The following TAF1B variants were observed in gnomAD, a reference collection of about 807,000 sequenced individuals.
The protein encoded by TAF1B is TATA box-binding protein-associated factor RNA polymerase I subunit B.
In TAF1B, 61 loss-of-function variants were observed where a neutral mutation model predicts 83.9. That is an observed-to-expected ratio of 0.73 (90% CI 0.59 to 0.90). TAF1B has a LOEUF of 0.90. Ranked by LOEUF, TAF1B falls within the 40% of genes least tolerant of loss-of-function variation. The pLI is 0.00. For synonymous variants in TAF1B, 221 were observed against 224.6 expected, an observed-to-expected ratio of 0.98 and a Z score of 0.14; for missense variants, 625 against 677.0, an observed-to-expected ratio of 0.92 and a Z score of 0.85.
Position 9,843,502 on chromosome 2 carries a change from G to A in TAF1B, c.-40G>A, listed in dbSNP as rs753812440. 3 of 1,522,846 alleles carry A rather than the reference G, an allele frequency of 2.0e-6. No individual in the cohort carries two copies. Among genetic ancestry groups the A allele is most frequent in the South Asian group, 2.4e-5 (2 of 82,398 alleles). The allele number at this position is 1,522,846 out of a possible 1,614,324, so 94.3% of individuals were successfully genotyped here. A position where few individuals can be genotyped will look rare whatever the true frequency, so the allele number is the denominator to read the frequency against. On this transcript the variant is annotated 5_prime_UTR_variant, in exon 1 of 15. Transcript: ENST00000263663. ...TCCCGGAAGCTGCGCTCGCTACCCGGGTAACGGGTCCCGGCTGTGGAAGCT... is the reference window on the plus strand; with the variant it reads ...TCCCGGAAGCTGCGCTCGCTACCCGAGTAACGGGTCCCGGCTGTGGAAGCT...
intron 5 of TAF1B, among the ~76,000 whole-genome samples, chr2:9,867,770 C>T (rs960403124): frequency 5.9e-5 from 9 of 151,980 alleles, no homozygotes; most frequent in African/African-American, 1.5e-4. Context: ...TGTTACAAAT[C>T]GTATATGCTA....
intron 10 of TAF1B, among the ~76,000 whole-genome samples, chr2:9,911,232 C>A (rs1665524447): frequency 6.6e-6 from 1 of 152,118 alleles, no homozygotes; most frequent in Non-Finnish European, 1.5e-5. Context: ...AAAGTATCTT[C>A]ATAAATCTCT....
intron 7 of TAF1B, among the ~76,000 whole-genome samples, chr2:9,876,906 T>C: frequency 6.6e-6 from 1 of 152,184 alleles, no homozygotes; most frequent in East Asian, 1.9e-4. Context: ...TCAGTGCTAG[T>C]CATTACTGTT....
At chr2:9,908,562 C>G (rs556521684) in intron 9 of TAF1B, among the ~76,000 whole-genome samples, 5 of 152,244 alleles carry the variant, frequency 3.3e-5, no homozygotes, top group African/African-American at 1.2e-4. Flanking sequence ...TCCTATCATT[C>G]ATTTCTCTAA....
At chr2:9,849,311 G>A in intron 2 of TAF1B, 62 bp from the exon 3 acceptor site, 1 of 1,293,698 alleles carries the variant, frequency 7.7e-7, no homozygotes, top group Non-Finnish European at 1.1e-6. Context: ...GAAAATACCT[G>A]GAAAAATGCT....
At chr2:9,890,686 C>T (rs1034836745) in intron 8 of TAF1B, among the ~76,000 whole-genome samples, 10 of 151,946 alleles carry the variant, frequency 6.6e-5, no homozygotes, top group Non-Finnish European at 1.3e-4. Flanking sequence ...ATATGTTTAC[C>T]ATGTGAAATG....
rs1345816991 is a variant in TAF1B, at chr2:9,875,927, A to T, written c.616A>T (p.Ile206Phe). Reference protein sequence around the residue: ...VEYSQRKEKGIVKMTMPQTLA... With the variant: ...VEYSQRKEKGFVKMTMPQTLA... Reference sequence around the variant, plus strand: ...ATACTCACAACGAAAGGAGAAGGGAATCGTGAAGATGACCATGCCACAGAC... The same window carrying T: ...ATACTCACAACGAAAGGAGAAGGGATTCGTGAAGATGACCATGCCACAGAC... The change falls in exon 7 of 15, where the codon ATC becomes TTC. Residue 206 changes from isoleucine (I) to phenylalanine (F), a missense_variant. Coordinates refer to ENST00000263663, the MANE Select transcript of TAF1B (RefSeq NM_005680.3). 1 of 1,613,266 alleles carries T rather than the reference A, an allele frequency of 6.2e-7. No homozygotes were observed. The highest frequency in any genetic ancestry group is 2.2e-5 in the East Asian group (1 of 44,872).
intron 5 of TAF1B, among the ~76,000 whole-genome samples, chr2:9,865,452 A>G (rs971816015): frequency 9.2e-5 from 14 of 152,178 alleles, no homozygotes; most frequent in African/African-American, 3.1e-4. Context: ...GATACAAACA[A>G]ATGGAAGAAC....
intron 12 of TAF1B, 200 bp downstream of exon 12, chr2:9,913,449 C>G (rs1375024974): frequency 2.2e-6 from 1 of 447,532 alleles, no homozygotes; most frequent in Non-Finnish European, 3.9e-6. Context: ...TGGATTTCAC[C>G]AGTGTTTTTA....
At chr2:9,933,002 G>C (rs1236056334) in intron 14 of TAF1B, among the ~76,000 whole-genome samples, 1 of 152,224 alleles carries the variant, frequency 6.6e-6, no homozygotes, top group South Asian at 2.1e-4. Context: ...TAATCTCCTG[G>C]TGTGCCGTTT....
intron 8 of TAF1B, among the ~76,000 whole-genome samples, chr2:9,890,779 T>C (rs1227676307): frequency 6.6e-6 from 1 of 151,992 alleles, no homozygotes; most frequent in African/African-American, 2.4e-5. Context: ...TCTTATTTTA[T>C]TTTTTTTGGG....
At chr2:9,907,127 A>G (rs1398952643) in intron 9 of TAF1B, among the ~76,000 whole-genome samples, 3 of 150,826 alleles carry the variant, frequency 2.0e-5, no homozygotes, top group Non-Finnish European at 4.4e-5. Context: ...GGCTCAAGCC[A>G]TCTTCCTGCC....
intron 4 of TAF1B, 79 bp from the exon 5 acceptor site, chr2:9,854,247 G>T: frequency 1.1e-6 from 1 of 933,490 alleles, no homozygotes; most frequent in South Asian, 1.4e-5. Flanking sequence ...TAAAGTACAA[G>T]AGAGCTGTGG....
At chr2:9,847,178 A>G (rs1572207962) in intron 2 of TAF1B, among the ~76,000 whole-genome samples, 2 of 152,206 alleles carry the variant, frequency 1.3e-5, no homozygotes, top group African/African-American at 4.8e-5. Context: ...CCACATTTGG[A>G]AGACTGTCAA....
chr2:9,887,100 G>A lies in TAF1B; in HGVS notation c.807+4295G>A, dbSNP rs149530282. Among the ~76,000 whole-genome samples the A allele has an allele frequency of 7.3e-4, 111 of 152,236 alleles. 4 individuals carry two copies. Among genetic ancestry groups the A allele is most frequent in the African/African-American group, 2.6e-3 (106 of 41,534 alleles). On this transcript the variant is annotated intron_variant, in intron 8 of 14. Coordinates refer to ENST00000263663, the MANE Select transcript of TAF1B (RefSeq NM_005680.3). ...GATTTATATTGCCCACCTATGGGGA[G>A]TGTGGTAAGAAGTACCTACAACTAT...
At chr2:9,913,432 T>C (rs980094475) in intron 12 of TAF1B, 183 bp downstream of exon 12, 4 of 478,028 alleles carry the variant, frequency 8.4e-6, no homozygotes, top group Non-Finnish European at 1.5e-5. Context: ...AAAGTTTAGA[T>C]TTGATGTGGA....
rs75706622 is a variant in TAF1B, at chr2:9,877,139, G to T, written c.707+1121G>T. 9.5e-3 allele frequency among the ~76,000 whole-genome samples: 1,441 copies of T among 152,254 alleles called. 32 individuals are homozygous for T. The highest frequency in any genetic ancestry group is 0.029 in the African/African-American group (1,208 of 41,534). ...ATCTTGTTTTGTATGCCCCCATTGGGTGATCTCATCTTTTCCCAACGCTTT... is the reference window on the plus strand; with the variant it reads ...ATCTTGTTTTGTATGCCCCCATTGGTTGATCTCATCTTTTCCCAACGCTTT... On this transcript the variant is annotated intron_variant, in intron 7 of 14. Coordinates refer to ENST00000263663, the MANE Select transcript of TAF1B (RefSeq NM_005680.3).
intron 5 of TAF1B, among the ~76,000 whole-genome samples, chr2:9,861,690 AC>A (rs1305823471): frequency 6.6e-6 from 1 of 152,026 alleles, no homozygotes; most frequent in Non-Finnish European, 1.5e-5. Flanking sequence ...ACTGGGAGGC[AC>A]CCCCCAGTAG....
At chr2:9,926,588 C>G (rs1239310602) in intron 14 of TAF1B, among the ~76,000 whole-genome samples, 1 of 151,944 alleles carries the variant, frequency 6.6e-6, no homozygotes, top group Admixed American at 6.6e-5. Flanking sequence ...CCTGTAATCT[C>G]AACACTTTGG....
Sources: allele counts gnomAD v4.1 joint callset (sites outside exome capture counted in the v4.1 genomes callset), GRCh38; gene constraint gnomAD v4.1.1; transcripts MANE v1.5; gene names NCBI Gene and HGNC (gene_info 2026-07-23, HGNC 2026-07-21).